Variants in PRKCE observed in about 807,000 individuals in gnomAD.
PRKCE encodes protein kinase C epsilon, also known as protein kinase C epsilon type.
A neutral mutation model predicts 85.4 loss-of-function variants in PRKCE; 16 were observed. The ratio of observed to expected loss-of-function variants is 0.19; its 90% CI spans 0.13 to 0.28. The LOEUF is 0.28. PRKCE is among the 10% of genes least tolerant of loss of function. PRKCE has a pLI of 1.00. For synonymous variants in PRKCE, 388 were observed against 371.5 expected (o/e 1.04, Z -0.51); for missense variants, 573 against 975.2 (o/e 0.59, Z 5.49).
intron 1 of PRKCE, among the ~76,000 whole-genome samples, chr2:45,748,844 A>G (rs984624280): frequency 1.3e-5 from 2 of 151,946 alleles, no homozygotes; most frequent in Non-Finnish European, 2.9e-5. Context: ...CCAAGTAAAC[A>G]GTACAGTGCA....
At chr2:45,805,819 G>A (rs1688201019) in intron 1 of PRKCE, among the ~76,000 whole-genome samples, 1 of 152,112 alleles carries the variant, frequency 6.6e-6, no homozygotes, top group Admixed American at 6.5e-5. Context: ...GGCTGGTCTT[G>A]AACCCCTGGC....
chr2:46,131,498 T>C (rs1043464927), intron 11 of PRKCE, among the ~76,000 whole-genome samples: 1 of 152,100 alleles, frequency 6.6e-6, no homozygotes, highest in Non-Finnish European at 1.5e-5. Flanking sequence ...AAGGAGGAAG[T>C]AAAGAAATGT....
At chr2:45,847,716 C>T (rs1342322288) in intron 2 of PRKCE, among the ~76,000 whole-genome samples, 1 of 152,234 alleles carries the variant, frequency 6.6e-6, no homozygotes, top group African/African-American at 2.4e-5. Context: ...TGCCACATGG[C>T]AGTGATTCCC....
rs1675952535 is a variant in PRKCE at position 46,145,266 on chromosome 2, G to C, written c.1731+35G>C. ...GTGTGCAAAGGTTCACCTCCTCCTG[G>C]TGCCAGGACCGAGGCAGGGGTCCAA... On this transcript the variant is annotated intron_variant, in intron 12 of 14. Transcript: ENST00000306156. This position sits in a 1 kb window ranked among gnomAD's most constrained non-coding sequence, Gnocchi z 4.6. The C allele has an allele frequency of 1.9e-6, 3 of 1,598,492 alleles. No individual in the cohort carries two copies. The highest frequency in any genetic ancestry group is 4.5e-5 in the East Asian group (2 of 44,860).
chr2:45,868,319 C>CAAAAAAAAAA (rs371501864), intron 2 of PRKCE, among the ~76,000 whole-genome samples: 6 of 35,994 alleles, frequency 1.7e-4, no homozygotes, highest in African/African-American at 6.5e-4. Context: ...CTTTCCTGTC[C>CAAAAAAAAAA]AAAAAAAAAA....
intron 11 of PRKCE, among the ~76,000 whole-genome samples, chr2:46,136,783 GCA>G (rs1361050856): frequency 1.3e-5 from 2 of 152,254 alleles, no homozygotes; most frequent in African/African-American, 4.8e-5. Context: ...GTGTTTCCGT[GCA>G]CAGTGTCACT....
chr2:45,908,091 G>A (rs1222170202), intron 2 of PRKCE, among the ~76,000 whole-genome samples: 3 of 152,158 alleles, frequency 2.0e-5, no homozygotes, highest in Admixed American at 6.5e-5. Flanking sequence ...AGGAATGGAA[G>A]TCAAGACTCC....
intron 10 of PRKCE, among the ~76,000 whole-genome samples, chr2:46,047,409 A>G (rs1211705378): frequency 6.6e-6 from 1 of 152,232 alleles, no homozygotes; most frequent in African/African-American, 2.4e-5. Context: ...GGCTGGAACA[A>G]GAGACAGAAA....
chr2:45,968,886 A>T (rs1360033761), intron 2 of PRKCE, among the ~76,000 whole-genome samples: 2 of 151,902 alleles, frequency 1.3e-5, no homozygotes, highest in Non-Finnish European at 2.9e-5. Flanking sequence ...TGAGTCCCTG[A>T]GTGTTCCTGT....
At chr2:45,866,106 C>G (rs936147737) in intron 2 of PRKCE, among the ~76,000 whole-genome samples, 8 of 152,076 alleles carry the variant, frequency 5.3e-5, no homozygotes, top group African/African-American at 1.9e-4. Context: ...AGGCATGAGC[C>G]ACCGTGCCCA....
chr2:46,020,305 G>A (rs1251913983), intron 10 of PRKCE, among the ~76,000 whole-genome samples: 2 of 152,154 alleles, frequency 1.3e-5, no homozygotes, highest in Non-Finnish European at 2.9e-5. Flanking sequence ...ATGTCCGACT[G>A]TTTCACATGT....
chr2:46,099,057 T>C (rs1670968924), intron 11 of PRKCE, among the ~76,000 whole-genome samples: 1 of 152,164 alleles, frequency 6.6e-6, no homozygotes, highest in Non-Finnish European at 1.5e-5. Context: ...TGTTGCCACC[T>C]TCTCTCTCCT....
chr2:45,686,944 A>G (rs1677344550), intron 1 of PRKCE, among the ~76,000 whole-genome samples: 1 of 152,154 alleles, frequency 6.6e-6, no homozygotes, highest in Admixed American at 6.5e-5. Context: ...ATCTATACCT[A>G]GTTTCTTCTG....
chr2:46,064,473 G>T (rs1033301440), intron 10 of PRKCE, among the ~76,000 whole-genome samples: 2 of 152,062 alleles, frequency 1.3e-5, no homozygotes, highest in Non-Finnish European at 2.9e-5. Context: ...TTTAATAAAT[G>T]ATATTAGATG....
At chr2:45,692,471 C>G (rs1677807948) in intron 1 of PRKCE, among the ~76,000 whole-genome samples, 2 of 152,068 alleles carry the variant, frequency 1.3e-5, no homozygotes, top group African/African-American at 4.8e-5. Flanking sequence ...GAATTAGGGC[C>G]CACCCTAATG....
At chr2:46,176,313 C>T (rs912812192) in intron 14 of PRKCE, among the ~76,000 whole-genome samples, 4 of 151,954 alleles carry the variant, frequency 2.6e-5, no homozygotes, top group Non-Finnish European at 4.4e-5. Context: ...CAGCTCCGTG[C>T]GTTGAAGCTC....
intron 2 of PRKCE, among the ~76,000 whole-genome samples, chr2:45,896,139 C>T (rs74402437): frequency 0.025 from 3,852 of 152,284 alleles, 108 homozygotes; most frequent in African/African-American, 0.07. Flanking sequence ...CAGTTAACCT[C>T]GCTCTTTGTA....
intron 11 of PRKCE, among the ~76,000 whole-genome samples, chr2:46,120,962 G>T (rs978710297): frequency 6.6e-6 from 1 of 152,146 alleles, no homozygotes; most frequent in Non-Finnish European, 1.5e-5. Flanking sequence ...ATGAATCTGT[G>T]GCACTTGACC....
intron 10 of PRKCE, chr2:46,010,810 G>A: frequency 5.1e-6 from 8 of 1,579,264 alleles, no homozygotes; most frequent in South Asian, 1.1e-5. Context: ...AAACCAACAA[G>A]TGTGGTTAGT....
Sources: gnomAD v4.1 joint callset for allele counts (sites outside exome capture counted in the v4.1 genomes callset) on GRCh38, gnomAD v4.1.1 for gene constraint, Gnocchi (gnomAD v3.1) non-coding constraint, MANE v1.5 for transcripts, NCBI Gene and HGNC (gene_info 2026-07-23, HGNC 2026-07-21) for gene names.